BLTP3B: variants seen among roughly 807,000 people sequenced by gnomAD.
BLTP3B encodes the protein UHRF1 (ICBP90) binding protein 1-like.
At chr12:100,076,093 T>C in the BLTP3B span, among the ~76,000 whole-genome samples, 13 of 151,712 alleles carry the variant, frequency 8.6e-5, no homozygotes, top group Non-Finnish European at 1.8e-4. Flanking sequence ...ACATGTACCC[T>C]GAGTTTACAA....
At chr12:100,050,135 G>A in the BLTP3B span, 1 of 1,439,584 alleles carries the variant, frequency 6.9e-7, no homozygotes, top group African/African-American at 1.5e-5. Flanking sequence ...TTAAACCATT[G>A]TATATGAAAA....
At chr12:100,089,324 C>G in the BLTP3B span, among the ~76,000 whole-genome samples, 1 of 152,106 alleles carries the variant, frequency 6.6e-6, no homozygotes, top group South Asian at 2.1e-4. Flanking sequence ...TTTGGGAGGC[C>G]GAGGCAGGCG....
At chr12:100,111,795 G>A in the BLTP3B span, among the ~76,000 whole-genome samples, 5 of 151,856 alleles carry the variant, frequency 3.3e-5, no homozygotes, top group African/African-American at 9.7e-5. Flanking sequence ...TAGTAGAGAC[G>A]GGGTTTCACC....
the BLTP3B span, chr12:100,039,453 A>G: frequency 1.2e-6 from 1 of 817,646 alleles, no homozygotes; most frequent in East Asian, 2.8e-5. Flanking sequence ...CACTCTAACC[A>G]TAGCACCTAG....
chr12:100,101,904 A>T, the BLTP3B span, among the ~76,000 whole-genome samples: 1 of 152,182 alleles, frequency 6.6e-6, no homozygotes, highest in Non-Finnish European at 1.5e-5. Flanking sequence ...CCCGGGTTCA[A>T]GCAATTCTCC....
At chr12:100,118,127 A>T in the BLTP3B span, among the ~76,000 whole-genome samples, 17 of 152,206 alleles carry the variant, frequency 1.1e-4, no homozygotes, top group African/African-American at 3.9e-4. Flanking sequence ...TTTTAAAGGA[A>T]AACAGCAGAC....
chr12:100,141,910 A>C, the BLTP3B span, among the ~76,000 whole-genome samples: 6 of 152,208 alleles, frequency 3.9e-5, no homozygotes. Flanking sequence ...GTTGCAGAGG[A>C]AAAAGAGCAA....
chr12:100,106,780 A>G, the BLTP3B span, among the ~76,000 whole-genome samples: 3 of 152,230 alleles, frequency 2.0e-5, no homozygotes, highest in Non-Finnish European at 2.9e-5. Flanking sequence ...TGAAAGTGTC[A>G]AGTCTTTGTA....
At chr12:100,058,577 TGTAGGCAAATAATCAG>T in the BLTP3B span, 1 of 1,613,022 alleles carries the variant, frequency 6.2e-7, no homozygotes, top group South Asian at 1.1e-5. Context: ...CCCCATTTTC[TGTAGGCAAATAATCAG>T]GTACCACTGG....
chr12:100,093,442 A>AATAATC, the BLTP3B span, among the ~76,000 whole-genome samples: 1 of 152,232 alleles, frequency 6.6e-6, no homozygotes, highest in African/African-American at 2.4e-5. Flanking sequence ...AATCTCTAAT[A>AATAATC]GCTGACAATT....
the BLTP3B span, among the ~76,000 whole-genome samples, chr12:100,077,137 T>C: frequency 6.6e-6 from 1 of 152,202 alleles, no homozygotes; most frequent in Non-Finnish European, 1.5e-5. Flanking sequence ...ACTTATAAGA[T>C]GTGGATCCCA....
chr12:100,047,521 C>CAT, the BLTP3B span: 1 of 1,582,978 alleles, frequency 6.3e-7, no homozygotes, highest in Non-Finnish European at 8.7e-7. Flanking sequence ...AATAGTTTTT[C>CAT]ATATATACCT....
chr12:100,142,479 G>C, the BLTP3B span: 2 of 1,203,994 alleles, frequency 1.7e-6, no homozygotes, highest in Non-Finnish European at 2.3e-6. Flanking sequence ...GGGGAAGTCC[G>C]AAGGTCGCCT....
At chr12:100,047,391 G>C in the BLTP3B span, 1,130 of 557,170 alleles carry the variant, frequency 2.0e-3, 10 homozygotes, top group African/African-American at 0.02. Context: ...CCAGCTACTC[G>C]GGAGGTTTAG....
At chr12:100,090,997 G>A in the BLTP3B span, among the ~76,000 whole-genome samples, 1 of 150,296 alleles carries the variant, frequency 6.7e-6, no homozygotes, top group Non-Finnish European at 1.5e-5. Flanking sequence ...AAAAAAATGG[G>A]CCACTATAAG....
chr12:100,045,812 T>G, the BLTP3B span, among the ~76,000 whole-genome samples: 3 of 151,970 alleles, frequency 2.0e-5, no homozygotes, highest in African/African-American at 7.3e-5. Flanking sequence ...TGGGAGAAAA[T>G]TTTTGCAGTC....
At chr12:100,089,184 G>T in the BLTP3B span, 1 of 1,128,754 alleles carries the variant, frequency 8.9e-7, no homozygotes, top group Non-Finnish European at 1.2e-6. Flanking sequence ...CGAAAGTCAT[G>T]AAAAATAACC....
chr12:100,057,975 C>T, the BLTP3B span: 2 of 1,516,200 alleles, frequency 1.3e-6, no homozygotes, highest in East Asian at 2.3e-5. Flanking sequence ...CTCATAGGCA[C>T]ACACGCTCCA....
the BLTP3B span, among the ~76,000 whole-genome samples, chr12:100,089,429 G>A: frequency 2.6e-3 from 396 of 152,022 alleles, 1 homozygote; most frequent in East Asian, 0.01. Context: ...GCGTGGTGCC[G>A]CATGCCTGTA....
Sources: allele counts gnomAD v4.1 joint callset (sites outside exome capture counted in the v4.1 genomes callset), GRCh38; gene constraint gnomAD v4.1.1; transcripts MANE v1.5; gene names NCBI Gene and HGNC (gene_info 2026-07-23, HGNC 2026-07-21).